The following FGGY variants were observed in gnomAD, a reference collection of about 807,000 sequenced individuals.
FGGY encodes FGGY carbohydrate kinase domain containing, also known as FGGY carbohydrate kinase domain-containing protein.
A neutral mutation model predicts 71.3 loss-of-function variants in FGGY; 72 were observed. The observed-to-expected ratio is 1.01, with a 90% CI of 0.84 to 1.23. FGGY has a LOEUF of 1.23. Among genes scored for constraint, FGGY ranks in the 50% most tolerant of loss-of-function variants. The pLI is 0.00. For missense variants in FGGY, 668 were observed against 682.3 expected, an observed-to-expected ratio of 0.98 and a Z score of 0.23; for synonymous variants, 251 against 250.3, an observed-to-expected ratio of 1.00 and a Z score of -0.02.
chr1:59,521,836 A>G (rs1186223802), intron 7 of FGGY, among the ~76,000 whole-genome samples: 4 of 152,226 alleles, frequency 2.6e-5, no homozygotes, highest in Non-Finnish European at 4.4e-5. Flanking sequence ...TATACCTTAT[A>G]TCCCATTTAA....
Position 59,321,768 on chromosome 1 carries a change from GT to G in FGGY, c.201+20del. The G allele has an allele frequency of 6.2e-7, 1 of 1,602,232 alleles. No homozygotes were observed. On this transcript the variant is annotated intron_variant, in intron 2 of 15. Transcript: ENST00000303721. ...TCACAAAGGTATGGGCAAAACTGGT[GT>G]TCTCTCCTTGTTCATATTCCTACCT... is the stretch of plus-strand genomic sequence containing the variant.
At chr1:59,638,740 C>A (rs568744739) in intron 11 of FGGY, among the ~76,000 whole-genome samples, 3 of 152,356 alleles carry the variant, frequency 2.0e-5, no homozygotes, top group South Asian at 4.1e-4. Flanking sequence ...TATTACCACC[C>A]ATGGTCTTGC....
intron 8 of FGGY, among the ~76,000 whole-genome samples, chr1:59,591,885 A>G (rs942000876): frequency 6.6e-6 from 1 of 152,220 alleles, no homozygotes; most frequent in African/African-American, 2.4e-5. Context: ...ATGGGCAAGG[A>G]CTTCATGTCT....
intron 6 of FGGY, among the ~76,000 whole-genome samples, chr1:59,494,005 A>G (rs888811481): frequency 2.6e-5 from 4 of 152,130 alleles, no homozygotes; most frequent in African/African-American, 9.7e-5. Context: ...AGATCTAGTC[A>G]TTGGCAGCCT....
At chr1:59,542,034 T>C (rs907000781) in intron 7 of FGGY, among the ~76,000 whole-genome samples, 2 of 152,226 alleles carry the variant, frequency 1.3e-5, no homozygotes, top group African/African-American at 4.8e-5. Context: ...TGATAACAGC[T>C]AAGCCATTTT....
At chr1:59,393,604 C>T (rs1401495529) in intron 5 of FGGY, among the ~76,000 whole-genome samples, 1 of 151,988 alleles carries the variant, frequency 6.6e-6, no homozygotes, top group Non-Finnish European at 1.5e-5. Flanking sequence ...TCCCTTCTCT[C>T]TTACTTACTT....
chr1:59,736,195 A>T (rs1284606079), intron 14 of FGGY, among the ~76,000 whole-genome samples: 1 of 152,112 alleles, frequency 6.6e-6, no homozygotes, highest in Non-Finnish European at 1.5e-5. Context: ...TCCCAGCCAT[A>T]TGGAACTGTG....
intron 5 of FGGY, among the ~76,000 whole-genome samples, chr1:59,425,540 C>A (rs1242562686): frequency 6.6e-6 from 1 of 152,130 alleles, no homozygotes; most frequent in African/African-American, 2.4e-5. Flanking sequence ...AAAATTAGAG[C>A]TACTCTTCCA....
At chr1:59,472,938 AG>A (rs1389613885) in intron 6 of FGGY, among the ~76,000 whole-genome samples, 2 of 152,132 alleles carry the variant, frequency 1.3e-5, no homozygotes, top group African/African-American at 4.8e-5. Context: ...GGGGACTTGG[AG>A]AACCTTTGTG....
chr1:59,425,976 A>C (rs2066299170), intron 5 of FGGY, among the ~76,000 whole-genome samples: 2 of 152,174 alleles, frequency 1.3e-5, no homozygotes, highest in South Asian at 4.1e-4. Context: ...TTGAAATTGA[A>C]TAAGTTTCAA....
intron 8 of FGGY, among the ~76,000 whole-genome samples, chr1:59,576,533 G>A (rs1160146164): frequency 2.0e-5 from 3 of 152,044 alleles, no homozygotes; most frequent in Admixed American, 6.6e-5. Flanking sequence ...AAACCTGCAC[G>A]TTCTGCACAC....
rs148571251 is a variant in FGGY at position 59,328,916 on chromosome 1, G to C, written c.201+7166G>C. Among the ~76,000 whole-genome samples, 1,499 of 151,872 alleles carry C rather than the reference G, an allele frequency of 9.9e-3. 15 individuals are homozygous for C. Among genetic ancestry groups the C allele is most frequent in the Non-Finnish European group, 0.016 (1,121 of 67,948 alleles). On this transcript the variant is annotated intron_variant, in intron 2 of 15. Coordinates refer to ENST00000303721, the MANE Select transcript of FGGY (RefSeq NM_018291.5). ...CCGTCTTATATGGGTGCAGTTTGTG[G>C]TGCCCCAAAACAAATGCAATAGTAA... is the stretch of plus-strand genomic sequence containing the variant.
At chr1:59,638,672 T>C (rs2096987324) in intron 11 of FGGY, among the ~76,000 whole-genome samples, 1 of 152,140 alleles carries the variant, frequency 6.6e-6, no homozygotes, top group Non-Finnish European at 1.5e-5. Context: ...TTTATATCAG[T>C]TTGTAAAGTC....
At chr1:59,634,583 A>T (rs2096938649) in intron 10 of FGGY, among the ~76,000 whole-genome samples, 1 of 152,106 alleles carries the variant, frequency 6.6e-6, no homozygotes, top group Admixed American at 6.5e-5. Context: ...AACCCATAGA[A>T]TTAGGTGATT....
At chr1:59,567,120 G>C (rs1221523896) in intron 8 of FGGY, among the ~76,000 whole-genome samples, 1 of 152,154 alleles carries the variant, frequency 6.6e-6, no homozygotes, top group Non-Finnish European at 1.5e-5. Flanking sequence ...TTTGATTTCT[G>C]TTCTCTGATG....
intron 14 of FGGY, among the ~76,000 whole-genome samples, chr1:59,730,175 G>A (rs2098007861): frequency 6.6e-6 from 1 of 152,112 alleles, no homozygotes; most frequent in Admixed American, 6.6e-5. Flanking sequence ...TCCAGCAGCT[G>A]CTCCTCCAAG....
intron 9 of FGGY, among the ~76,000 whole-genome samples, chr1:59,615,103 C>T (rs1437395695): frequency 1.3e-5 from 2 of 152,216 alleles, no homozygotes; most frequent in Middle Eastern, 3.4e-3. Flanking sequence ...CAATGCCATC[C>T]CCATCAAGCT....
intron 14 of FGGY, among the ~76,000 whole-genome samples, chr1:59,730,110 C>T (rs747584694): frequency 6.6e-6 from 1 of 152,110 alleles, no homozygotes; most frequent in Non-Finnish European, 1.5e-5. Context: ...TATTAGTCCA[C>T]ACTCAGCCCC....
chr1:59,558,742 A>G (rs1261343660), intron 8 of FGGY, among the ~76,000 whole-genome samples: 1 of 152,120 alleles, frequency 6.6e-6, no homozygotes, highest in African/African-American at 2.4e-5. Flanking sequence ...CCCCACCCTA[A>G]TAAGCCTAGG....
Sources: allele counts gnomAD v4.1 joint callset (sites outside exome capture counted in the v4.1 genomes callset), GRCh38; gene constraint gnomAD v4.1.1; transcripts MANE v1.5; gene names NCBI Gene and HGNC (gene_info 2026-07-23, HGNC 2026-07-21).